The following PAFAH2 variants were observed in gnomAD, a reference collection of about 807,000 sequenced individuals.
The protein encoded by PAFAH2 is platelet activating factor acetylhydrolase 2.
A neutral mutation model predicts 49.0 loss-of-function variants in PAFAH2; 42 were observed. The observed-to-expected ratio is 0.86, with a 90% CI of 0.67 to 1.11. PAFAH2 has a LOEUF of 1.11. PAFAH2 is among the 50% of genes least tolerant of loss of function. The pLI, the probability that PAFAH2 is intolerant of heterozygous loss-of-function variation, is 0.00. For missense variants in PAFAH2, 503 were observed against 501.8 expected (o/e 1.00, Z -0.02); for synonymous variants, 184 against 181.3 (o/e 1.01, Z -0.12).
At chr1:25,989,961 G>T (rs2049849649) in intron 2 of PAFAH2, among the ~76,000 whole-genome samples, 1 of 152,066 alleles carries the variant, frequency 6.6e-6, no homozygotes, top group Non-Finnish European at 1.5e-5. Context: ...GAACAGGGTG[G>T]CCTTGGTAGC....
At position 25,982,457 on chromosome 1, in the gene PAFAH2, C is replaced by T. The variant is rs767331210; in HGVS notation, c.573G>A (p.Glu191=). 1.1e-5 allele frequency: 17 copies of T among 1,613,878 alleles called. No individual in the cohort carries two copies. Among genetic ancestry groups the T allele is most frequent in the African/African-American group, 1.3e-5 (1 of 74,934 alleles). ...GCAGGATCTTCAACACCCGTAAACACTCGCTTACCCGCTGATGCACCTGCA... is the reference window on the plus strand; with the variant it reads ...GCAGGATCTTCAACACCCGTAAACATTCGCTTACCCGCTGATGCACCTGCA... The part of the protein sequence containing the change: ...RNPQVHQRVS[E]CLRVLKILQE... The change falls in exon 7 of 11, where the codon GAG becomes GAA. Residue 191 remains glutamate, a synonymous_variant. Transcript: ENST00000374282.
intron 7 of PAFAH2, 88 bp downstream of exon 7, chr1:25,982,276 G>T: frequency 1.1e-6 from 1 of 923,244 alleles, no homozygotes; most frequent in Non-Finnish European, 1.8e-6. Context: ...ATTCTCTTTT[G>T]GTTCATACCA....
At chr1:25,990,615 C>T (rs570140067) in intron 2 of PAFAH2, 112 bp downstream of exon 2, 83 of 849,758 alleles carry the variant, frequency 9.8e-5, no homozygotes, top group Non-Finnish European at 1.4e-4. Flanking sequence ...AATCCAGACC[C>T]GCTCTAATTC....
At chr1:25,995,982 A>C (rs1035118406) in intron 1 of PAFAH2, among the ~76,000 whole-genome samples, 2 of 152,086 alleles carry the variant, frequency 1.3e-5, no homozygotes, top group Non-Finnish European at 2.9e-5. Flanking sequence ...TCTGAATTCT[A>C]CCCCTGTCAC....
intron 10 of PAFAH2, among the ~76,000 whole-genome samples, chr1:25,971,063 T>C (rs2049500312): frequency 1.3e-5 from 2 of 152,326 alleles, no homozygotes; most frequent in East Asian, 3.9e-4. Flanking sequence ...TCTAGGGAAC[T>C]GCCAGGTGCC....
At position 25,961,405 on chromosome 1, in the gene PAFAH2, A is replaced by G. The variant is rs1298061329; in HGVS notation, c.*584T>C. 6.6e-6 allele frequency: 1 copy of G among 152,184 alleles called. No homozygotes were observed. Among genetic ancestry groups the G allele is most frequent in the East Asian group, 1.9e-4 (1 of 5,194 alleles). The allele number at this position is 152,184 out of a possible 1,614,324, so 9.4% of individuals were successfully genotyped here. ...CTCACAAGTATAACTTACTACTGTAAGTATAAGTAGTACTATGTTCCATAC... is the reference window on the plus strand; with the variant it reads ...CTCACAAGTATAACTTACTACTGTAGGTATAAGTAGTACTATGTTCCATAC... On this transcript the variant is annotated 3_prime_UTR_variant, in exon 11 of 11. Transcript: ENST00000374282.
intron 4 of PAFAH2, among the ~76,000 whole-genome samples, chr1:25,985,234 C>T (rs747351792): frequency 9.9e-5 from 15 of 152,154 alleles, no homozygotes; most frequent in Non-Finnish European, 1.8e-4. Flanking sequence ...GCCTGTTTGC[C>T]CAGCTGAAAA....
intron 4 of PAFAH2, among the ~76,000 whole-genome samples, chr1:25,986,306 A>C (rs972273701): frequency 3.9e-5 from 6 of 152,200 alleles, no homozygotes; most frequent in Non-Finnish European, 2.9e-5. Flanking sequence ...GGAAGAGAAG[A>C]GCAGAACGGT....
chr1:25,984,364 C>G, intron 5 of PAFAH2, 96 bp downstream of exon 5: 1 of 940,128 alleles, frequency 1.1e-6, no homozygotes, highest in South Asian at 1.5e-5. Context: ...CTGGCTTGCA[C>G]GGTTGTCGAG....
chr1:25,982,756 T>TA (rs1202510012), intron 6 of PAFAH2, among the ~76,000 whole-genome samples: 1 of 152,210 alleles, frequency 6.6e-6, no homozygotes, highest in East Asian at 1.9e-4. Context: ...GAAAGCATTT[T>TA]AAAAACAAAA....
chr1:25,977,990 G>A (rs996383299), intron 7 of PAFAH2, among the ~76,000 whole-genome samples: 1 of 152,022 alleles, frequency 6.6e-6, no homozygotes, highest in Admixed American at 6.6e-5. Flanking sequence ...ATTTCTAGTC[G>A]TCCCCAGAAG....
chr1:25,983,982 C>T lies in PAFAH2; in HGVS notation c.516G>A (p.Glu172=). 1 of 1,614,172 alleles carries T rather than the reference C, an allele frequency of 6.2e-7. No individual in the cohort carries two copies. The highest frequency in any genetic ancestry group is 1.1e-5 in the South Asian group (1 of 91,074). ...QEEWIPFRRV[E]EGEKEFHVRN... ...GAACATGAAATTCCTTCTCCCCTTC[C>T]TCAACTCGACGGAAAGGGATCCATT... Residue 172 remains glutamate (E), a synonymous_variant, in exon 6 of 11, where the codon GAG becomes GAA. Coordinates refer to ENST00000374282, the MANE Select transcript of PAFAH2 (RefSeq NM_000437.4).
chr1:25,962,630 C>T (rs912172179), intron 10 of PAFAH2, among the ~76,000 whole-genome samples: 2 of 151,886 alleles, frequency 1.3e-5, no homozygotes, highest in African/African-American at 4.8e-5. Flanking sequence ...CCTAGACCAG[C>T]CTGGGCAACG....
In PAFAH2 at chr1:25,960,424, T is replaced by C. The variant is rs979109697; in HGVS notation, c.*1565A>G. On this transcript the variant is annotated 3_prime_UTR_variant, in exon 11 of 11. Coordinates refer to ENST00000374282, the MANE Select transcript of PAFAH2 (RefSeq NM_000437.4). ...CTTTGAACTGGATCCCTAAGAAGAC[T>C]TCCTTCCTTTTAAAGTTTTTTTCCC... The C allele has an allele frequency of 4.6e-5, 7 of 152,658 alleles. No individual in the cohort carries two copies. Among genetic ancestry groups the C allele is most frequent in the Non-Finnish European group, 8.8e-5 (6 of 68,032 alleles). 9.5% of individuals were successfully genotyped at this position (152,658 alleles called of 1,614,324 possible).
intron 4 of PAFAH2, among the ~76,000 whole-genome samples, chr1:25,987,489 T>C (rs1031958591): frequency 5.9e-5 from 9 of 152,080 alleles, no homozygotes; most frequent in African/African-American, 2.2e-4. Context: ...CCCAGCACTT[T>C]GGGAGGCCGA....
At chr1:25,963,606 T>G (rs2049374436) in intron 10 of PAFAH2, among the ~76,000 whole-genome samples, 2 of 152,082 alleles carry the variant, frequency 1.3e-5, no homozygotes, top group African/African-American at 2.4e-5. Flanking sequence ...CAGGTTCAAG[T>G]GATTCTCCTG....
chr1:25,963,544 CA>C (rs1326012136), intron 10 of PAFAH2, among the ~76,000 whole-genome samples: 2 of 152,138 alleles, frequency 1.3e-5, no homozygotes, highest in Non-Finnish European at 2.9e-5. Context: ...CTTGCTCTGT[CA>C]CCAGGCTGGA....
chr1:25,984,851 T>TC (rs1198844058), intron 4 of PAFAH2, among the ~76,000 whole-genome samples: 2 of 145,742 alleles, frequency 1.4e-5, no homozygotes, highest in Non-Finnish European at 3.0e-5. Flanking sequence ...ATTTCTTTTT[T>TC]TTTTTTTTTT....
chr1:25,996,604 T>C (rs1489075509), intron 1 of PAFAH2, among the ~76,000 whole-genome samples: 1 of 152,136 alleles, frequency 6.6e-6, no homozygotes, highest in Admixed American at 6.5e-5. Context: ...ATCGCGCTAC[T>C]GCACTCTAGC....
Sources: gnomAD v4.1 joint callset for allele counts (sites outside exome capture counted in the v4.1 genomes callset) on GRCh38, gnomAD v4.1.1 for gene constraint, MANE v1.5 for transcripts, NCBI Gene and HGNC (gene_info 2026-07-23, HGNC 2026-07-21) for gene names.